Variants in MAP1B observed in about 807,000 individuals in gnomAD.
The protein encoded by MAP1B is microtubule associated protein 1B.
In MAP1B, 12 loss-of-function variants were observed where a neutral mutation model predicts 176.1. The observed-to-expected ratio is 0.07, with a 90% CI of 0.04 to 0.11. MAP1B has a LOEUF of 0.11. MAP1B is among the 10% of genes least tolerant of loss of function. The pLI is 1.00. For synonymous variants in MAP1B, 1,044 were observed against 1,135.0 expected (o/e 0.92, Z 1.61); for missense variants, 2,523 against 2,990.5 (o/e 0.84, Z 3.65).
intron 2 of MAP1B, among the ~76,000 whole-genome samples, chr5:72,180,920 C>A (rs1024243873): frequency 6.6e-6 from 1 of 152,276 alleles, no homozygotes; most frequent in South Asian, 2.1e-4. Context: ...CAGTAACCAA[C>A]CCCATAGGGC....
At position 72,186,824 on chromosome 5, in the gene MAP1B, T is replaced by G; in HGVS notation, c.510+70T>G. The stretch of plus-strand genomic sequence containing the variant: ...GCCTTAGGTTCCTCTTTGAGAGCAC[T>G]GGGGGAGACAAAAGAAGAAGGGAGG... On this transcript the variant is annotated intron_variant, in intron 4 of 6. Transcript: ENST00000296755. This position sits in a 1 kb window ranked among gnomAD's most constrained non-coding sequence, Gnocchi z 4.3. The G allele has an allele frequency of 6.4e-7, 1 of 1,562,994 alleles. No individual in the cohort carries two copies. The highest frequency in any genetic ancestry group is 2.3e-5 in the East Asian group (1 of 44,424).
At chr5:72,167,075 G>T (rs1233069633) in intron 2 of MAP1B, among the ~76,000 whole-genome samples, 1 of 151,162 alleles carries the variant, frequency 6.6e-6, no homozygotes, top group African/African-American at 2.4e-5. Context: ...AACCAAAGAG[G>T]CAATGCAGAA....
rs772108943 is a variant in MAP1B, at chr5:72,194,504, C to T, written c.1149C>T (p.Phe383=). Residue 383 remains phenylalanine, a synonymous_variant, in exon 5 of 7, where the codon TTC becomes TTT. Coordinates refer to ENST00000296755, the MANE Select transcript of MAP1B (RefSeq NM_005909.5). This position sits in a 1 kb window ranked among gnomAD's most constrained non-coding sequence, Gnocchi z 7.2. ...KMKRSIEEAC[F]TLQYLNKLSM... ...AGAGAAGCATAGAAGAAGCCTGCTTCACTCTCCAGTACCTAAACAAATTGT... is the reference window on the plus strand; with the variant it reads ...AGAGAAGCATAGAAGAAGCCTGCTTTACTCTCCAGTACCTAAACAAATTGT... 3.1e-6 allele frequency: 5 copies of T among 1,614,152 alleles called. No individual in the cohort carries two copies. The Admixed American group carries it at 8.3e-5, about 27-fold the overall frequency.
In MAP1B at chr5:72,194,674, A is replaced by T. The variant is rs747899001; in HGVS notation, c.1319A>T (p.Gln440Leu). 1.2e-6 allele frequency: 2 copies of T among 1,614,238 alleles called. No individual in the cohort carries two copies. Among genetic ancestry groups the T allele is most frequent in the South Asian group, 1.1e-5 (1 of 91,086 alleles). ...SSKEMQYFMQ[Q>L]WTGTNKDKAE... is the part of the protein sequence containing the mutation. ...AAGGAAATGCAGTATTTTATGCAGC[A>T]GTGGACTGGTACCAACAAAGACAAG... The change falls in exon 5 of 7, where the codon CAG becomes CTG. Residue 440 changes from glutamine to leucine, a missense_variant. Around this residue, in one of 4 missense-constraint regions of MAP1B, gnomAD observed 1,925 missense variants for 2,126.0 expected, o/e 0.91. Coordinates refer to ENST00000296755, the MANE Select transcript of MAP1B (RefSeq NM_005909.5). The surrounding 1 kb of genome is among the most constrained non-coding windows in gnomAD (Gnocchi z 7.2).
chr5:72,120,603 T>C (rs1192793788), intron 2 of MAP1B, among the ~76,000 whole-genome samples: 2 of 152,126 alleles, frequency 1.3e-5, no homozygotes, highest in East Asian at 3.9e-4. Context: ...TTTTTTTGTA[T>C]TTTTAGTAGA....
intron 1 of MAP1B, 70 bp downstream of exon 1, chr5:72,107,785 C>A: frequency 6.6e-7 from 1 of 1,519,578 alleles, no homozygotes; most frequent in Non-Finnish European, 8.9e-7. Flanking sequence ...CAGGGCGCGA[C>A]GGTCACTGCG....
chr5:72,177,272 G>GGA (rs1279359117), intron 2 of MAP1B, among the ~76,000 whole-genome samples: 1 of 152,176 alleles, frequency 6.6e-6, no homozygotes, highest in Non-Finnish European at 1.5e-5. Flanking sequence ...CACCTGGGAT[G>GGA]GAGAGCCGCT....
chr5:72,116,095 G>A, intron 2 of MAP1B: 1 of 332,484 alleles, frequency 3.0e-6, no homozygotes, highest in Non-Finnish European at 5.8e-6. Context: ...TGATATCCAG[G>A]GCTTGAGAAA....
chr5:72,161,332 T>G (rs2112179810), intron 2 of MAP1B, among the ~76,000 whole-genome samples: 1 of 152,340 alleles, frequency 6.6e-6, no homozygotes, highest in East Asian at 1.9e-4. Context: ...GGAATCAATG[T>G]CATAATAATA....
chr5:72,163,924 T>TC (rs1746375317), intron 2 of MAP1B, among the ~76,000 whole-genome samples: 1 of 89,294 alleles, frequency 1.1e-5, no homozygotes, highest in African/African-American at 5.4e-5. Context: ...CTCTTTTTTT[T>TC]TTTTTCTTTT....
Position 72,188,570 on chromosome 5 carries a change from G to A in MAP1B, c.510+1816G>A, listed in dbSNP as rs576252245. Among the ~76,000 whole-genome samples, 35 of 152,286 alleles carry A rather than the reference G, an allele frequency of 2.3e-4. 1 individual carries two copies. In the South Asian group the frequency reaches 6.4e-3, roughly 28 times the overall value. On this transcript the variant is annotated intron_variant, in intron 4 of 6. Coordinates refer to ENST00000296755, the MANE Select transcript of MAP1B (RefSeq NM_005909.5). ...AAGATTTTCAATAAGGAAGTAACAC[G>A]ATTTGGCATATTTGCATCTCAAATA... is the stretch of plus-strand genomic sequence containing the variant.
At chr5:72,172,569 T>C (rs1056622361) in intron 2 of MAP1B, among the ~76,000 whole-genome samples, 10 of 152,202 alleles carry the variant, frequency 6.6e-5, no homozygotes, top group African/African-American at 2.2e-4. Context: ...GGTCAACCAT[T>C]TCCCTGGATT....
rs759670082 is a variant in MAP1B at position 72,189,694 on chromosome 5, TA to T, written c.510+2953del. Among the ~76,000 whole-genome samples the T allele has an allele frequency of 7.8e-3, 1,094 of 140,052 alleles. 10 individuals carry two copies. Among genetic ancestry groups the T allele is most frequent in the African/African-American group, 0.024 (914 of 38,416 alleles). 91.9% of individuals were successfully genotyped at this position (140,052 alleles called of 152,430 possible). ...GGCAACAGAGCAAGATTCTGTCTCT[TA>T]AAAAAAAAAAAACTATACTTAAAAC... On this transcript the variant is annotated intron_variant, in intron 4 of 6. Transcript: ENST00000296755.
intron 2 of MAP1B, among the ~76,000 whole-genome samples, chr5:72,181,000 G>A (rs1746751963): frequency 6.6e-6 from 1 of 152,194 alleles, no homozygotes; most frequent in African/African-American, 2.4e-5. Context: ...TACTAGTTGT[G>A]TGACTTTGGG....
chr5:72,183,972 A>G, intron 3 of MAP1B, 147 bp downstream of exon 3: 1 of 649,058 alleles, frequency 1.5e-6, no homozygotes, highest in Non-Finnish European at 2.7e-6. Flanking sequence ...AACCCCCATT[A>G]AGTGGCTGGT....
In MAP1B at chr5:72,209,333, T is replaced by A. The variant is rs1747519854; in HGVS notation, c.*4094T>A. 1 of 152,176 alleles carries A rather than the reference T, an allele frequency of 6.6e-6. No individual in the cohort carries two copies. The highest frequency in any genetic ancestry group is 2.1e-4 in the South Asian group (1 of 4,824). 9.4% of individuals were successfully genotyped at this position (152,176 alleles called of 1,614,324 possible). On this transcript the variant is annotated 3_prime_UTR_variant, in exon 7 of 7. Transcript: ENST00000296755. ...AGAAGCACTTCACACTCCTCTCTCT[T>A]GTTCTGAATGGTGTTTGTGTCAGTC...
At chr5:72,203,526 G>A in intron 5 of MAP1B, 37 bp from the exon 6 acceptor site, 1 of 1,475,234 alleles carries the variant, frequency 6.8e-7, no homozygotes, top group Non-Finnish European at 9.5e-7. Context: ...TCTTCACCTT[G>A]CTATGACCTT....
rs565975414 is a variant in MAP1B, at chr5:72,198,725, A to G, written c.5370A>G (p.Arg1790=). ...CTGATATCTCTCCACTCACCCCACG[A>G]GAGTCCTCTCCTTTATATTCACCTA... ...PKSDISPLTP[R]ESSPLYSPTF... Residue 1790 remains arginine (R), a synonymous_variant, in exon 5 of 7, where the codon CGA becomes CGG. Transcript: ENST00000296755. 2.4e-4 allele frequency: 391 copies of G among 1,614,158 alleles called. 4 individuals are homozygous for G. The South Asian group carries it at 3.0e-3, about 12-fold the overall frequency.
At chr5:72,181,959 C>T (rs1377754067) in intron 2 of MAP1B, among the ~76,000 whole-genome samples, 8 of 150,954 alleles carry the variant, frequency 5.3e-5, no homozygotes, top group East Asian at 2.0e-4. Context: ...CTCCTGACCT[C>T]GTGATCCACC....
Sources: gnomAD v4.1 joint callset for allele counts (sites outside exome capture counted in the v4.1 genomes callset) on GRCh38, gnomAD v4.1.1 for gene constraint, gnomAD v4.1.1 regional missense constraint, Gnocchi (gnomAD v3.1) non-coding constraint, MANE v1.5 for transcripts, NCBI Gene and HGNC (gene_info 2026-07-23, HGNC 2026-07-21) for gene names.